Variants in TCFL5 observed in about 807,000 individuals in gnomAD.
TCFL5 encodes the protein transcription factor-like 5 protein.
In TCFL5, 9 loss-of-function variants were observed where a neutral mutation model predicts 44.3. The observed-to-expected ratio is 0.20, with a 90% CI of 0.12 to 0.35. The LOEUF is 0.35. TCFL5 is among the 10% of genes least tolerant of loss of function. TCFL5 has a pLI of 1.00. For synonymous variants in TCFL5, 319 were observed against 271.6 expected (o/e 1.17, Z -1.72); for missense variants, 603 against 613.4 (o/e 0.98, Z 0.18).
Position 62,861,712 on chromosome 20 carries a change from C to CGGCGGGCGGCGGGA in TCFL5, c.-56_-43dup, listed in dbSNP as rs1480695587. 4 of 145,920 alleles carry CGGCGGGCGGCGGGA rather than the reference C, an allele frequency of 2.7e-5. No homozygotes were observed. Among genetic ancestry groups the CGGCGGGCGGCGGGA allele is most frequent in the East Asian group, 2.2e-4 (1 of 4,628 alleles). The allele number at this position is 145,920 out of a possible 1,614,324, so 9.0% of individuals were successfully genotyped here. A position where few individuals can be genotyped will look rare whatever the true frequency, so the allele number is the denominator to read the frequency against. ...CCAACGGCGGCGAGGGCGACGCGGG[C>CGGCGGGCGGCGGGA]GGCGGGCGGCGGGAGGCGGGAGGCG... On this transcript the variant is annotated 5_prime_UTR_variant, in exon 1 of 6. Coordinates refer to ENST00000335351, the MANE Select transcript of TCFL5 (RefSeq NM_006602.4). This position sits in a 1 kb window ranked among gnomAD's most constrained non-coding sequence, Gnocchi z 4.0.
In TCFL5 at chr20:62,842,249, C is replaced by A. The variant is rs1273801004; in HGVS notation, c.1381-152G>T. 10 of 960,672 alleles carry A rather than the reference C, an allele frequency of 1.0e-5. No homozygotes were observed. Among genetic ancestry groups the A allele is most frequent in the Middle Eastern group, 2.3e-4 (1 of 4,378 alleles). The allele number at this position is 960,672 out of a possible 1,614,324, so 59.5% of individuals were successfully genotyped here. Reference sequence around the variant, plus strand: ...ATTCACAAACTTGTGTCTTACCTCACAAGGGGATTTATATAATAAACAGAT... The same window carrying A: ...ATTCACAAACTTGTGTCTTACCTCAAAAGGGGATTTATATAATAAACAGAT... On this transcript the variant is annotated intron_variant, in intron 5 of 5. Transcript: ENST00000335351. This position sits in a 1 kb window ranked among gnomAD's most constrained non-coding sequence, Gnocchi z 4.3.
At chr20:62,849,982 T>TA (rs1443644758) in intron 5 of TCFL5, among the ~76,000 whole-genome samples, 2 of 151,666 alleles carry the variant, frequency 1.3e-5, no homozygotes, top group African/African-American at 4.8e-5. Flanking sequence ...AAATAAACAT[T>TA]AAAATAAAAA....
In TCFL5 at chr20:62,841,739, AATT is replaced by A. The variant is rs2063682296; in HGVS notation, c.*233_*235del. 3.0e-6 allele frequency: 1 copy of A among 331,350 alleles called. No homozygotes were observed. Among genetic ancestry groups the A allele is most frequent in the African/African-American group, 2.1e-5 (1 of 46,914 alleles). 20.5% of individuals were successfully genotyped at this position (331,350 alleles called of 1,614,324 possible). The stretch of plus-strand genomic sequence containing the variant: ...TAATTATTACTAATTAATTATTACT[AATT>A]ATTAAGATGGCTTCATCCCCAAATG... On this transcript the variant is annotated 3_prime_UTR_variant, in exon 6 of 6. Coordinates refer to ENST00000335351, the MANE Select transcript of TCFL5 (RefSeq NM_006602.4).
chr20:62,852,864 G>A (rs2063830345), intron 5 of TCFL5: 2 of 1,289,516 alleles, frequency 1.6e-6, no homozygotes, highest in Non-Finnish European at 2.0e-6. Context: ...TGTTCACCCA[G>A]TCCATGGAAG....
At chr20:62,855,495 A>G (rs2063874114) in intron 4 of TCFL5, among the ~76,000 whole-genome samples, 2 of 152,242 alleles carry the variant, frequency 1.3e-5, no homozygotes, top group Admixed American at 6.5e-5. Context: ...TGCCAGGCGC[A>G]GTGGCTCAAG....
Position 62,854,002 on chromosome 20 carries a change from G to A in TCFL5, c.1380+14C>T. ...TTTGTAAAATTCTGAAAATCTACCT[G>A]GCCTACCACTAACCTTTTTAAGAGA... is the stretch of plus-strand genomic sequence containing the variant. On this transcript the variant is annotated intron_variant, in intron 5 of 5. Transcript: ENST00000335351. 6.2e-7 allele frequency: 1 copy of A among 1,611,700 alleles called. No individual in the cohort carries two copies. The highest frequency in any genetic ancestry group is 2.2e-5 in the East Asian group (1 of 44,848).
chr20:62,851,728 A>G (rs1225352778), intron 5 of TCFL5: 17 of 985,312 alleles, frequency 1.7e-5, no homozygotes, highest in African/African-American at 1.7e-5. Context: ...AAGACAAACT[A>G]TTGCCTGGCG....
At chr20:62,848,897 G>T (rs1188209676) in intron 5 of TCFL5, among the ~76,000 whole-genome samples, 2 of 151,808 alleles carry the variant, frequency 1.3e-5, no homozygotes, top group Admixed American at 6.6e-5. Context: ...AGCTGGGTGT[G>T]GTGGCTCAAT....
chr20:62,844,569 TTGTTTGTTTTTTG>T (rs2063716428), intron 5 of TCFL5, among the ~76,000 whole-genome samples: 1 of 139,976 alleles, frequency 7.1e-6, no homozygotes, highest in African/African-American at 3.2e-5. Context: ...CTGTTTTTTT[TTGTTTGTTTTTTG>T]TTTTTTTTTT....
rs748213832 is a variant in TCFL5, at chr20:62,841,931, G to T, written c.*44C>A. 2 of 1,611,178 alleles carry T rather than the reference G, an allele frequency of 1.2e-6. No individual in the cohort carries two copies. The highest frequency in any genetic ancestry group is 1.7e-6 in the Non-Finnish European group (2 of 1,179,250). Reference sequence around the variant, plus strand: ...GTTGCAGAAGGCGTGCACAGGTCACGAAGGAATGGCTGTTCACCCCCCGAG... The same window carrying T: ...GTTGCAGAAGGCGTGCACAGGTCACTAAGGAATGGCTGTTCACCCCCCGAG... On this transcript the variant is annotated 3_prime_UTR_variant, in exon 6 of 6. Coordinates refer to ENST00000335351, the MANE Select transcript of TCFL5 (RefSeq NM_006602.4).
intron 5 of TCFL5, chr20:62,845,278 C>A (rs950176201): frequency 2.5e-6 from 2 of 787,042 alleles, no homozygotes; most frequent in Non-Finnish European, 3.2e-6. Flanking sequence ...TGTACCACCA[C>A]GCCCGGCTAA....
In TCFL5 at chr20:62,857,496, C is replaced by T. The variant is rs187494136; in HGVS notation, c.1137G>A (p.Ser379=). 1.6e-5 allele frequency: 26 copies of T among 1,614,226 alleles called. No homozygotes were observed. In the East Asian group the frequency reaches 4.5e-4, roughly 28 times the overall value. ...CCCCCAGGTTTGCCTGTGAGGACTC[C>T]GAGGACTGCCAAGCGCCTTGTGTGG... ...ATATQGAWQS[S]ESSQANLGEQ... The change falls in exon 4 of 6, where the codon TCG becomes TCA. Residue 379 remains serine, a synonymous_variant. Coordinates refer to ENST00000335351, the MANE Select transcript of TCFL5 (RefSeq NM_006602.4).
intron 4 of TCFL5, among the ~76,000 whole-genome samples, chr20:62,855,124 T>G (rs911605842): frequency 2.6e-5 from 4 of 152,222 alleles, no homozygotes; most frequent in Non-Finnish European, 5.9e-5. Flanking sequence ...TTAGTCCATG[T>G]GTATAAAAGT....
intron 5 of TCFL5, chr20:62,852,751 C>T: frequency 7.8e-7 from 1 of 1,285,038 alleles, no homozygotes; most frequent in Non-Finnish European, 1.0e-6. Flanking sequence ...GTCACCTGGT[C>T]CGCAGAAGTA....
Position 62,861,715 on chromosome 20 carries a change from C to T in TCFL5, c.-45G>A, listed in dbSNP as rs1354362804. The T allele has an allele frequency of 3.7e-5, 5 of 133,772 alleles. No homozygotes were observed. The highest frequency in any genetic ancestry group is 7.4e-5 in the Non-Finnish European group (5 of 67,814). 8.3% of individuals were successfully genotyped at this position (133,772 alleles called of 1,614,324 possible). ...ACGGCGGCGAGGGCGACGCGGGCGGCGGGCGGCGGGAGGCGGGAGGCGGGA... is the reference window on the plus strand; with the variant it reads ...ACGGCGGCGAGGGCGACGCGGGCGGTGGGCGGCGGGAGGCGGGAGGCGGGA... On this transcript the variant is annotated 5_prime_UTR_variant, in exon 1 of 6. Coordinates refer to ENST00000335351, the MANE Select transcript of TCFL5 (RefSeq NM_006602.4). The surrounding 1 kb of genome is among the most constrained non-coding windows in gnomAD (Gnocchi z 4.0).
rs1017434148 is a variant in TCFL5 at position 62,861,004 on chromosome 20, C to G, written c.647+20G>C. On this transcript the variant is annotated intron_variant, in intron 1 of 5. Transcript: ENST00000335351. This position sits in a 1 kb window ranked among gnomAD's most constrained non-coding sequence, Gnocchi z 4.0. ...GGCCTCCACCCGGGCCCCGCCAGCC[C>G]CCGGCCGCCGGGCACGCACTTGTTG... The G allele has an allele frequency of 1.0e-6, 1 of 993,042 alleles. No individual in the cohort carries two copies. Among genetic ancestry groups the G allele is most frequent in the African/African-American group, 1.8e-5 (1 of 57,070 alleles). 61.5% of individuals were successfully genotyped at this position (993,042 alleles called of 1,614,324 possible). A position where few individuals can be genotyped will look rare whatever the true frequency, so the allele number is the denominator to read the frequency against.
intron 5 of TCFL5, chr20:62,845,037 C>A: frequency 2.0e-6 from 2 of 986,240 alleles, no homozygotes; most frequent in Non-Finnish European, 2.4e-6. Context: ...TTTTAAGCAA[C>A]TTTCCAACCA....
intron 5 of TCFL5, among the ~76,000 whole-genome samples, chr20:62,843,601 G>A (rs1179187636): frequency 6.6e-6 from 1 of 152,094 alleles, no homozygotes; most frequent in Non-Finnish European, 1.5e-5. Context: ...TTTTATTGTG[G>A]TATTAAAATA....
intron 1 of TCFL5, among the ~76,000 whole-genome samples, 195 bp from the exon 2 acceptor site, chr20:62,860,503 C>T (rs187285428): frequency 1.2e-4 from 18 of 152,344 alleles, no homozygotes; most frequent in Non-Finnish European, 2.4e-4. Flanking sequence ...CAAAACTGCG[C>T]CACCTCCCTG....
Sources: allele counts gnomAD v4.1 joint callset (sites outside exome capture counted in the v4.1 genomes callset), GRCh38; gene constraint gnomAD v4.1.1; non-coding constraint Gnocchi (gnomAD v3.1); transcripts MANE v1.5; gene names NCBI Gene and HGNC (gene_info 2026-07-23, HGNC 2026-07-21).